PYM1: variants seen among roughly 807,000 people sequenced by gnomAD.
PYM1 encodes the protein PYM1 exon junction complex associated factor.
A neutral mutation model predicts 20.7 loss-of-function variants in PYM1; 7 were observed. The observed-to-expected ratio is 0.34, with a 90% CI of 0.19 to 0.64. The LOEUF is 0.64. PYM1 is among the 30% of genes least tolerant of loss of function. PYM1 has a pLI of 0.74. For synonymous variants in PYM1, 100 were observed against 99.2 expected (o/e 1.01, Z -0.05); for missense variants, 194 against 250.0 (o/e 0.78, Z 1.51).
chr12:55,909,595 A>C (rs149670386), intron 1 of PYM1, among the ~76,000 whole-genome samples: 3 of 152,240 alleles, frequency 2.0e-5, no homozygotes, highest in Non-Finnish European at 4.4e-5. Context: ...AAAAAAAAAA[A>C]AACACCAGAG....
At position 55,901,451 on chromosome 12, in the gene PYM1, T is replaced by TA. The variant is rs1565712788; in HGVS notation, c.*420_*421insT. On this transcript the variant is annotated 3_prime_UTR_variant, in exon 3 of 3. Transcript: ENST00000408946. The stretch of plus-strand genomic sequence containing the variant: ...GTGTTTATTCTCATTTTTGCTTTTT[T>TA]TAAAAAAAAAAAAAAAATGAGGGAT... The TA allele has an allele frequency of 2.2e-3, 353 of 159,782 alleles. 3 individuals are homozygous for TA. The highest frequency in any genetic ancestry group is 8.1e-3 in the African/African-American group (329 of 40,736). 9.9% of individuals were successfully genotyped at this position (159,782 alleles called of 1,614,324 possible).
intron 1 of PYM1, among the ~76,000 whole-genome samples, chr12:55,905,722 A>ATG (rs1555180489): frequency 2.9e-3 from 31 of 10,802 alleles, no homozygotes; most frequent in East Asian, 0.019. Context: ...ATATATATAT[A>ATG]TGTATATATA....
chr12:55,909,504 G>A (rs1171340626), intron 1 of PYM1, among the ~76,000 whole-genome samples: 1 of 151,852 alleles, frequency 6.6e-6, no homozygotes, highest in Non-Finnish European at 1.5e-5. Context: ...TTGTCTTAGG[G>A]CTTTGAATAA....
chr12:55,906,661 A>G (rs1882822282), intron 1 of PYM1, among the ~76,000 whole-genome samples: 1 of 151,866 alleles, frequency 6.6e-6, no homozygotes, highest in African/African-American at 2.4e-5. Context: ...TTATTGATTG[A>G]TTTTGAGATG....
At chr12:55,912,865 G>A (rs1882948641) in intron 1 of PYM1, among the ~76,000 whole-genome samples, 1 of 151,300 alleles carries the variant, frequency 6.6e-6, no homozygotes, top group Non-Finnish European at 1.5e-5. Flanking sequence ...TTGGGAGCCT[G>A]AGGCAGGAGA....
At chr12:55,904,755 TA>T (rs1882762711) in intron 1 of PYM1, among the ~76,000 whole-genome samples, 1 of 151,712 alleles carries the variant, frequency 6.6e-6, no homozygotes, top group South Asian at 2.1e-4. Context: ...CACACGTCTG[TA>T]ATCCCAGCTA....
rs777198150 is a variant in PYM1 at position 55,927,398 on chromosome 12, G to A, written c.37+327C>T. 6 of 714,058 alleles carry A rather than the reference G, an allele frequency of 8.4e-6. 1 individual carries two copies. In the South Asian group the frequency reaches 8.8e-5, roughly 11 times the overall value. The allele number at this position is 714,058 out of a possible 1,614,324, so 44.2% of individuals were successfully genotyped here. On this transcript the variant is annotated intron_variant, in intron 1 of 2. Transcript: ENST00000408946. ...CGAGGCACAGTCCCTCTCATCCCCA[G>A]GAACTCCTCGTACGTCCAGGACCTG...
At chr12:55,902,571 G>C (rs1882713705) in intron 2 of PYM1, among the ~76,000 whole-genome samples, 1 of 150,524 alleles carries the variant, frequency 6.6e-6, no homozygotes, top group Non-Finnish European at 1.5e-5. Context: ...TCCACCTCCA[G>C]GGTTCAAGCA....
chr12:55,905,711 A>AAT (rs1555180483), intron 1 of PYM1, among the ~76,000 whole-genome samples: 6 of 34,302 alleles, frequency 1.7e-4, no homozygotes, highest in South Asian at 1.6e-3. Context: ...CCAATTAAAA[A>AAT]ATATATATAT....
chr12:55,912,618 C>T (rs1383448219), intron 1 of PYM1, among the ~76,000 whole-genome samples: 1 of 150,628 alleles, frequency 6.6e-6, no homozygotes, highest in Non-Finnish European at 1.5e-5. Context: ...CTTGATTTAC[C>T]TCTTGCTAGT....
intron 1 of PYM1, among the ~76,000 whole-genome samples, chr12:55,926,757 G>C (rs919917788): frequency 6.6e-6 from 1 of 152,130 alleles, no homozygotes; most frequent in African/African-American, 2.4e-5. Context: ...TGAGAGTGTA[G>C]AAGCCCCCAA....
rs563784160 is a variant in PYM1 at position 55,926,785 on chromosome 12, G to A, written c.37+940C>T. Among the ~76,000 whole-genome samples the A allele has an allele frequency of 1.1e-4, 16 of 152,310 alleles. No individual in the cohort carries two copies. The East Asian group carries it at 2.7e-3, about 26-fold the overall frequency. ...GCCCCCAAGCCTGAAGAACCTAAAA[G>A]AGATATGAGTGGTCCAACTGCTGGA... On this transcript the variant is annotated intron_variant, in intron 1 of 2. Coordinates refer to ENST00000408946, the MANE Select transcript of PYM1 (RefSeq NM_032345.3).
At chr12:55,916,573 G>A (rs531479239) in intron 1 of PYM1, among the ~76,000 whole-genome samples, 17 of 151,920 alleles carry the variant, frequency 1.1e-4, no homozygotes, top group Non-Finnish European at 2.1e-4. Flanking sequence ...AGAGGCGGGC[G>A]GATCACCTGA....
At chr12:55,926,149 C>T (rs1883183196) in intron 1 of PYM1, among the ~76,000 whole-genome samples, 1 of 152,226 alleles carries the variant, frequency 6.6e-6, no homozygotes, top group Admixed American at 6.5e-5. Flanking sequence ...AACAGAAACA[C>T]TTTGCACTTG....
At position 55,902,027 on chromosome 12, in the gene PYM1, T is replaced by C. The variant is rs1158541574; in HGVS notation, c.460A>G (p.Ile154Val). 6.8e-6 allele frequency: 11 copies of C among 1,614,144 alleles called. No individual in the cohort carries two copies. The highest frequency in any genetic ancestry group is 8.5e-6 in the Non-Finnish European group (10 of 1,180,032). Residue 154 changes from isoleucine (I) to valine (V), a missense_variant, in exon 3 of 3, where the codon ATA becomes GTA. Physicochemically the swap from Ile to Val is conservative, Grantham distance 29. Transcript: ENST00000408946. The stretch of plus-strand genomic sequence containing the variant: ...CGGAGTTTCTTCTTTAGGTTCTTTA[T>C]CTTCTTGGCTTTCTCAGTGGTGGCA... ...SAATTEKAKK[I>V]KNLKKKLRQV...
intron 1 of PYM1, among the ~76,000 whole-genome samples, chr12:55,918,797 G>A (rs774550943): frequency 3.3e-5 from 5 of 152,184 alleles, no homozygotes; most frequent in African/African-American, 4.8e-5. Flanking sequence ...GAACCTGAGA[G>A]GCAGAGGTCG....
At chr12:55,915,880 C>G (rs1297124346) in intron 1 of PYM1, among the ~76,000 whole-genome samples, 1 of 152,170 alleles carries the variant, frequency 6.6e-6, no homozygotes, top group Non-Finnish European at 1.5e-5. Flanking sequence ...AAAGCAAAAT[C>G]CTAGCAGTGG....
In PYM1 at chr12:55,907,499, C is replaced by T. The variant is rs769609660; in HGVS notation, c.38-4019G>A. Among the ~76,000 whole-genome samples, 107 of 149,968 alleles carry T rather than the reference C, an allele frequency of 7.1e-4. 1 individual carries two copies. The highest frequency in any genetic ancestry group is 5.3e-4 in the Non-Finnish European group (36 of 67,682). ...AAAAAAAAAAATTAGCCGGGCACGG[C>T]GGCATGCGCTTGTAATCCCAGCTAC... On this transcript the variant is annotated intron_variant, in intron 1 of 2. Transcript: ENST00000408946.
At chr12:55,910,284 T>TATATATA (rs1882898494) in intron 1 of PYM1, among the ~76,000 whole-genome samples, 1 of 142,054 alleles carries the variant, frequency 7.0e-6, no homozygotes, top group African/African-American at 2.6e-5. Context: ...TATATATATA[T>TATATATA]ATAAAATTTT....
Sources: allele counts gnomAD v4.1 joint callset (sites outside exome capture counted in the v4.1 genomes callset), GRCh38; gene constraint gnomAD v4.1.1; transcripts MANE v1.5; gene names NCBI Gene and HGNC (gene_info 2026-07-23, HGNC 2026-07-21).